Variants in VPS50 observed in about 807,000 individuals in gnomAD.
The protein encoded by VPS50 is syndetin.
A neutral mutation model predicts 139.7 loss-of-function variants in VPS50; 70 were observed. That is an observed-to-expected ratio of 0.50 (90% CI 0.41 to 0.61). The LOEUF (loss-of-function observed/expected upper bound fraction) is 0.61. VPS50 is among the 20% of genes least tolerant of loss of function. The pLI, the probability that VPS50 is intolerant of heterozygous loss-of-function variation, is 0.00. For synonymous variants in VPS50, 365 were observed against 376.7 expected (o/e 0.97, Z 0.36); for missense variants, 921 against 1,133.7 (o/e 0.81, Z 2.69).
At chr7:93,281,674 T>C (rs1054411748) in intron 12 of VPS50, among the ~76,000 whole-genome samples, 2 of 152,218 alleles carry the variant, frequency 1.3e-5, no homozygotes, top group Admixed American at 1.3e-4. Flanking sequence ...ATATAAGTTA[T>C]ATAAATAGTG....
At chr7:93,290,771 T>C (rs777043137) in intron 12 of VPS50, among the ~76,000 whole-genome samples, 7 of 152,060 alleles carry the variant, frequency 4.6e-5, no homozygotes, top group Non-Finnish European at 1.0e-4. Flanking sequence ...ATGAATGTTT[T>C]GGTGAATGAG....
intron 11 of VPS50, among the ~76,000 whole-genome samples, chr7:93,275,222 T>TAAC (rs1357115465): frequency 6.6e-6 from 1 of 152,176 alleles, no homozygotes; most frequent in African/African-American, 2.4e-5. Flanking sequence ...ATTTGGGATA[T>TAAC]TACATAAACT....
intron 1 of VPS50, among the ~76,000 whole-genome samples, chr7:93,239,253 A>G (rs1412141435): frequency 2.0e-5 from 3 of 152,188 alleles, no homozygotes; most frequent in Non-Finnish European, 2.9e-5. Flanking sequence ...TTCTATTTTA[A>G]TAATTTCCCC....
chr7:93,296,925 T>C, intron 15 of VPS50, 89 bp downstream of exon 15: 3 of 1,458,156 alleles, frequency 2.1e-6, no homozygotes, highest in Middle Eastern at 2.5e-4. Flanking sequence ...TATAACTTCT[T>C]TATGGAAATG....
At chr7:93,305,040 T>A (rs558601201) in intron 17 of VPS50, among the ~76,000 whole-genome samples, 45 of 152,058 alleles carry the variant, frequency 3.0e-4, no homozygotes, top group African/African-American at 1.1e-3. Context: ...TAAATTTAAA[T>A]TTGGGATTAT....
At chr7:93,314,741 G>A (rs1024091133) in intron 20 of VPS50, among the ~76,000 whole-genome samples, 6 of 151,996 alleles carry the variant, frequency 3.9e-5, no homozygotes, top group African/African-American at 1.5e-4. Flanking sequence ...TGCATCTAAG[G>A]GATATTTAGG....
intron 9 of VPS50, among the ~76,000 whole-genome samples, chr7:93,265,319 G>C (rs79471533): frequency 0.015 from 2,274 of 152,196 alleles, 71 homozygotes; most frequent in African/African-American, 0.052. Flanking sequence ...GGTTTTACAT[G>C]CCATACGTCT....
rs186829857 is a variant in VPS50 at position 93,323,507 on chromosome 7, A to G, written c.1856-104A>G. ...CTGTGAGGGAGTGCAATGTTTCATT[A>G]TATTTAAATATTTTAGTATAATAAT... is the stretch of plus-strand genomic sequence containing the variant. On this transcript the variant is annotated intron_variant, in intron 20 of 27. Transcript: ENST00000305866. 281 of 339,642 alleles carry G rather than the reference A, an allele frequency of 8.3e-4. 3 individuals carry two copies. Among genetic ancestry groups the G allele is most frequent in the African/African-American group, 5.8e-3 (271 of 46,538 alleles). The allele number at this position is 339,642 out of a possible 1,614,324, so 21.0% of individuals were successfully genotyped here. A position where few individuals can be genotyped will look rare whatever the true frequency, so the allele number is the denominator to read the frequency against.
chr7:93,288,532 C>T (rs185643893), intron 12 of VPS50, among the ~76,000 whole-genome samples: 6 of 152,182 alleles, frequency 3.9e-5, no homozygotes, highest in East Asian at 1.9e-4. Flanking sequence ...AAAATACACA[C>T]GTAGGTTTTG....
chr7:93,355,563 A>C (rs1798683421), intron 26 of VPS50, among the ~76,000 whole-genome samples: 1 of 152,222 alleles, frequency 6.6e-6, no homozygotes, highest in South Asian at 2.1e-4. Flanking sequence ...AACTCTTGGC[A>C]GCCAGATTAA....
chr7:93,305,810 T>A lies in VPS50; in HGVS notation c.1453-18T>A, dbSNP rs370576706. 1.2e-6 allele frequency: 2 copies of A among 1,604,746 alleles called. No individual in the cohort carries two copies. Among genetic ancestry groups the A allele is most frequent in the Non-Finnish European group, 1.7e-6 (2 of 1,172,234 alleles). ...TTATTGTTGCTAAAGGGTATCTGGC[T>A]CCTTTTTTAACATCTAGGAATTTAA... On this transcript the variant is annotated intron_variant, in intron 17 of 27. Transcript: ENST00000305866.
At chr7:93,317,534 G>A (rs1190948497) in intron 20 of VPS50, among the ~76,000 whole-genome samples, 1 of 152,276 alleles carries the variant, frequency 6.6e-6, no homozygotes, top group East Asian at 1.9e-4. Flanking sequence ...TCCAGCCTGG[G>A]TGACAGGGCA....
At chr7:93,297,957 T>C (rs1796859642) in intron 16 of VPS50, among the ~76,000 whole-genome samples, 1 of 152,152 alleles carries the variant, frequency 6.6e-6, no homozygotes, top group East Asian at 1.9e-4. Flanking sequence ...CTTTTTACAA[T>C]TGAATTTAAG....
Position 93,358,886 on chromosome 7 carries a change from AAC to A in VPS50, c.*454_*455del, listed in dbSNP as rs1431799703. The A allele has an allele frequency of 6.5e-6, 1 of 153,166 alleles. No homozygotes were observed. Among genetic ancestry groups the A allele is most frequent in the African/African-American group, 2.4e-5 (1 of 41,468 alleles). 9.5% of individuals were successfully genotyped at this position (153,166 alleles called of 1,614,324 possible). A position where few individuals can be genotyped will look rare whatever the true frequency, so the allele number is the denominator to read the frequency against. ...TATGAGCACTGCATGAGAATTAAAA[AAC>A]ACATGTAAGTAAAATAGTTGAAAAA... On this transcript the variant is annotated 3_prime_UTR_variant, in exon 28 of 28. Coordinates refer to ENST00000305866, the MANE Select transcript of VPS50 (RefSeq NM_017667.4).
intron 2 of VPS50, among the ~76,000 whole-genome samples, chr7:93,245,580 A>AATACATC (rs1795125955): frequency 6.6e-6 from 1 of 151,914 alleles, no homozygotes; most frequent in Admixed American, 6.6e-5. Context: ...CACATATTAA[A>AATACATC]ATACATCATC....
At chr7:93,341,940 C>A (rs1010178589) in intron 23 of VPS50, among the ~76,000 whole-genome samples, 1 of 152,140 alleles carries the variant, frequency 6.6e-6, no homozygotes, top group African/African-American at 2.4e-5. Context: ...ATAGTTGATC[C>A]TTGACATCAA....
At chr7:93,280,566 T>C (rs1796294639) in intron 12 of VPS50, among the ~76,000 whole-genome samples, 4 of 152,176 alleles carry the variant, frequency 2.6e-5, no homozygotes. Flanking sequence ...AGACAACATT[T>C]GGAAGCTTTT....
rs1213936574 is a variant in VPS50 at position 93,334,101 on chromosome 7, C to G, written c.1978-16C>G. ...ATGATCTTTAGAACGATATAACAAG[C>G]CTTTTTCTTTTTCAGTTGGAATCAA... On this transcript the variant is annotated splice_polypyrimidine_tract_variant and intron_variant, in intron 21 of 27. Transcript: ENST00000305866. 1.2e-5 allele frequency: 17 copies of G among 1,432,434 alleles called. No individual in the cohort carries two copies. The East Asian group carries it at 2.3e-4, about 19-fold the overall frequency. The allele number at this position is 1,432,434 out of a possible 1,614,324, so 88.7% of individuals were successfully genotyped here.
chr7:93,245,814 T>C (rs1427688057), intron 2 of VPS50, among the ~76,000 whole-genome samples: 1 of 151,790 alleles, frequency 6.6e-6, no homozygotes, highest in East Asian at 1.9e-4. Context: ...CTTTGACGGA[T>C]TATTATTGTT....
Sources: allele counts gnomAD v4.1 joint callset (sites outside exome capture counted in the v4.1 genomes callset), GRCh38; gene constraint gnomAD v4.1.1; transcripts MANE v1.5; gene names NCBI Gene and HGNC (gene_info 2026-07-23, HGNC 2026-07-21).